Variants in SRRM2 observed in about 807,000 individuals in gnomAD.
The protein encoded by SRRM2 is serine/arginine repetitive matrix protein 2.
Under a neutral mutation model 213.8 loss-of-function variants are expected in SRRM2, and 30 were observed. The observed-to-expected ratio is 0.14, with a 90% CI of 0.10 to 0.19. The LOEUF (loss-of-function observed/expected upper bound fraction) is 0.19. Among genes scored for constraint, SRRM2 ranks in the 10% least tolerant of loss-of-function variants. SRRM2 has a pLI of 1.00. For missense variants in SRRM2, 4,904 were observed against 3,647.0 expected (o/e 1.34, Z -8.88); for synonymous variants, 2,025 against 1,377.7 (o/e 1.47, Z -10.40).
At position 2,756,349 on chromosome 16, in the gene SRRM2, C is replaced by T. The variant is rs2068140024; in HGVS notation, c.-16C>T. On this transcript the variant is annotated 5_prime_UTR_variant, in exon 2 of 15. Transcript: ENST00000301740. ...TCCCCCTCAGGAGCGGTGGTGCCCC[C>T]CCCGGGCACGGGGCCATGTACAACG... 5 of 1,587,466 alleles carry T rather than the reference C, an allele frequency of 3.1e-6. No individual in the cohort carries two copies. Among genetic ancestry groups the T allele is most frequent in the African/African-American group, 1.3e-5 (1 of 74,372 alleles).
At position 2,768,276 on chromosome 16, in the gene SRRM2, C is replaced by T. The variant is rs773432338; in HGVS notation, c.7733+15C>T. On this transcript the variant is annotated intron_variant, in intron 11 of 14. Coordinates refer to ENST00000301740, the MANE Select transcript of SRRM2 (RefSeq NM_016333.4). The stretch of plus-strand genomic sequence containing the variant: ...GCACTGAAGAGGTGAGGGAGCTTGA[C>T]TTTTAGAAATCTTCAGTGGGGGAGG... 4 of 1,523,360 alleles carry T rather than the reference C, an allele frequency of 2.6e-6. No homozygotes were observed. In the South Asian group the frequency reaches 5.2e-5, roughly 20 times the overall value. 94.4% of individuals were successfully genotyped at this position (1,523,360 alleles called of 1,614,324 possible). A position where few individuals can be genotyped will look rare whatever the true frequency, so the allele number is the denominator to read the frequency against.
chr16:2,771,043 A>C lies in SRRM2; in HGVS notation c.*176A>C. On this transcript the variant is annotated 3_prime_UTR_variant, in exon 15 of 15. Transcript: ENST00000301740. ...TTTTTCTTTGTTCCTGTGAAATGTT[A>C]ATCTCCGTGAGTTCTTCCTGGTTCA... 1.5e-6 allele frequency: 1 copy of C among 648,958 alleles called. No homozygotes were observed. Among genetic ancestry groups the C allele is most frequent in the Non-Finnish European group, 2.5e-6 (1 of 396,196 alleles). 40.2% of individuals were successfully genotyped at this position (648,958 alleles called of 1,614,324 possible). A position where few individuals can be genotyped will look rare whatever the true frequency, so the allele number is the denominator to read the frequency against.
At position 2,761,839 on chromosome 16, in the gene SRRM2, C is replaced by A. The variant is rs767801669; in HGVS notation, c.1311C>A (p.Ser437=). The part of the protein sequence containing the change: ...PTKVSRHASS[S]PESPKPAPAP... ...AAGTTTCTCGGCATGCCAGCTCTTC[C>A]CCAGAAAGTCCTAAACCTGCTCCAG... Residue 437 remains serine (S), a synonymous_variant, in exon 11 of 15, where the codon TCC becomes TCA. Transcript: ENST00000301740. 1.2e-6 allele frequency: 2 copies of A among 1,613,364 alleles called. No homozygotes were observed. The highest frequency in any genetic ancestry group is 1.7e-6 in the Non-Finnish European group (2 of 1,180,012).
At chr16:2,770,186 G>T in intron 12 of SRRM2, 166 bp from the exon 13 acceptor site, 1 of 1,444,610 alleles carries the variant, frequency 6.9e-7, no homozygotes, top group Non-Finnish European at 9.1e-7. Context: ...CTGGGCACTC[G>T]GTGGATGGTG....
intron 11 of SRRM2, 70 bp downstream of exon 11, chr16:2,768,331 G>A: frequency 6.8e-7 from 1 of 1,478,622 alleles, no homozygotes. Flanking sequence ...AGTGGGGAGG[G>A]AGAAACCATG....
At chr16:2,753,061 C>A (rs1405893388) in intron 1 of SRRM2, among the ~76,000 whole-genome samples, 1 of 144,058 alleles carries the variant, frequency 6.9e-6, no homozygotes, top group Admixed American at 6.9e-5. Context: ...TCCCCCATGA[C>A]AACGGCGTTC....
Position 2,759,026 on chromosome 16 carries a change from G to T in SRRM2, c.635G>T (p.Ser212Ile). The T allele has an allele frequency of 6.2e-7, 1 of 1,614,212 alleles. No individual in the cohort carries two copies. ...TCTCCTCGACGGGAGAGAAAGAAAA[G>T]CTCAAAGAAGAAGAAGCACAGGTAT... Reference protein sequence around the residue: ...SSSPRRERKKSSKKKKHRSES... With the variant: ...SSSPRRERKKISKKKKHRSES... Residue 212 changes from serine (S) to isoleucine (I), a missense_variant, in exon 6 of 15, where the codon AGC (serine) becomes ATC (isoleucine). Ser to Ile is a moderately radical substitution (Grantham distance 142, BLOSUM62 -2). Coordinates refer to ENST00000301740, the MANE Select transcript of SRRM2 (RefSeq NM_016333.4).
rs577375094 is a variant in SRRM2, at chr16:2,758,546, C to T, written c.592C>T (p.Arg198Cys). 1.5e-5 allele frequency: 24 copies of T among 1,613,774 alleles called. No homozygotes were observed. Among genetic ancestry groups the T allele is most frequent in the South Asian group, 4.4e-5 (4 of 91,068 alleles). The stretch of plus-strand genomic sequence containing the variant: ...GAAGAAAAAGAAGAAAGATAGAGGA[C>T]GGTAAGTTAGTTGGAAAGTGACTCT... ...KKKKKKKDRGRRSESSSPRRE... is the reference protein window; with the variant it reads ...KKKKKKKDRGCRSESSSPRRE... Residue 198 changes from arginine to cysteine, a missense_variant and splice_region_variant, in exon 5 of 15, where the codon CGC (arginine) becomes TGC (cysteine). Physicochemically the swap from Arg to Cys is radical, Grantham distance 180. Transcript: ENST00000301740.
chr16:2,770,488 G>C (rs1441515734), intron 13 of SRRM2, 23 bp downstream of exon 13: 2 of 1,589,950 alleles, frequency 1.3e-6, no homozygotes, highest in Non-Finnish European at 1.7e-6. Flanking sequence ...GCAGGTGTCA[G>C]CACCCAGCCT....
intron 1 of SRRM2, among the ~76,000 whole-genome samples, chr16:2,754,261 C>T (rs1037080227): frequency 1.6e-4 from 25 of 151,876 alleles, no homozygotes; most frequent in African/African-American, 4.8e-5. Flanking sequence ...AACATTGTGA[C>T]CTAATATCCT....
chr16:2,764,879 T>C lies in SRRM2; in HGVS notation c.4351T>C (p.Ser1451Pro). The change falls in exon 11 of 15, where the codon TCT becomes CCT. Residue 1451 changes from serine (S) to proline (P), a missense_variant. Coordinates refer to ENST00000301740, the MANE Select transcript of SRRM2 (RefSeq NM_016333.4). ...SGSSPGLRDGSGTPSRHSLSG... is the reference protein window; with the variant it reads ...SGSSPGLRDGPGTPSRHSLSG... ...GTCTTCTCCAGGACTTAGAGATGGG[T>C]CTGGGACTCCCTCGAGGCACAGCCT... 6.2e-7 allele frequency: 1 copy of C among 1,614,096 alleles called. No homozygotes were observed. The highest frequency in any genetic ancestry group is 1.3e-5 in the African/African-American group (1 of 75,016).
intron 4 of SRRM2, among the ~76,000 whole-genome samples, chr16:2,758,226 T>C (rs2068216252): frequency 6.6e-6 from 1 of 152,130 alleles, no homozygotes; most frequent in African/African-American, 2.4e-5. Flanking sequence ...GAAAAAAAGC[T>C]GGTTGGTGGC....
In SRRM2 at chr16:2,762,148, A is replaced by G; in HGVS notation, c.1620A>G (p.Pro540=). Reference sequence around the variant, plus strand: ...GCCGCTCTAGGTCTCCTCAGCGACCAGGCTGGTCTAGGAGCAGAAATACCC... The same window carrying G: ...GCCGCTCTAGGTCTCCTCAGCGACCGGGCTGGTCTAGGAGCAGAAATACCC... ...RRGRSRSPQR[P]GWSRSRNTQR... is the part of the protein sequence containing the mutation. The change falls in exon 11 of 15, where the codon CCA becomes CCG. Residue 540 remains proline, a synonymous_variant. Transcript: ENST00000301740. 1 of 1,613,854 alleles carries G rather than the reference A, an allele frequency of 6.2e-7. No individual in the cohort carries two copies. Among genetic ancestry groups the G allele is most frequent in the Non-Finnish European group, 8.5e-7 (1 of 1,179,922 alleles).
Position 2,766,564 on chromosome 16 carries a change from A to T in SRRM2, c.6036A>T (p.Pro2012=), listed in dbSNP as rs1184433294. 2 of 1,614,114 alleles carry T rather than the reference A, an allele frequency of 1.2e-6. No individual in the cohort carries two copies. ...TRRRSRSRTS[P]VTRRRSRSRT... ...GAAGGTCCCGCTCTCGAACCTCACC[A>T]GTGACACGCCGCCGCTCTAGGTCCC... is the stretch of plus-strand genomic sequence containing the variant. Residue 2012 remains proline (P), a synonymous_variant, in exon 11 of 15, where the codon CCA becomes CCT. Transcript: ENST00000301740. The surrounding 1 kb of genome is among the most constrained non-coding windows in gnomAD (Gnocchi z 7.0).
rs1431195550 is a variant in SRRM2 at position 2,767,790 on chromosome 16, C to T, written c.7262C>T (p.Ser2421Phe). ...GCCCCAAGCCAATCTAGGATGACCT[C>T]TGAACGGGCTCCCTCCCCTTCCTCT... ...PSAPSQSRMT[S>F]ERAPSPSSRM... is the part of the protein sequence containing the mutation. The change falls in exon 11 of 15, where the codon TCT becomes TTT. Residue 2421 changes from serine to phenylalanine, a missense_variant. Transcript: ENST00000301740. 6.2e-7 allele frequency: 1 copy of T among 1,614,056 alleles called. No homozygotes were observed. The highest frequency in any genetic ancestry group is 1.7e-5 in the Admixed American group (1 of 59,998).
Position 2,764,825 on chromosome 16 carries a change from A to C in SRRM2, c.4297A>C (p.Arg1433=), listed in dbSNP as rs775838052. The C allele has an allele frequency of 1.2e-5, 20 of 1,614,238 alleles. No homozygotes were observed. The highest frequency in any genetic ancestry group is 2.5e-6 in the Non-Finnish European group (3 of 1,180,040). The change falls in exon 11 of 15, where the codon AGA becomes CGA. Residue 1433 remains arginine, a synonymous_variant. Transcript: ENST00000301740. The part of the protein sequence containing the change: ...SSPEMKDGLP[R]TPSRRSRSGS... Reference sequence around the variant, plus strand: ...TCCTGAAATGAAAGATGGTTTACCCAGAACTCCATCAAGGAGAAGCAGGTC... The same window carrying C: ...TCCTGAAATGAAAGATGGTTTACCCCGAACTCCATCAAGGAGAAGCAGGTC...
Position 2,761,974 on chromosome 16 carries a change from G to C in SRRM2, c.1446G>C (p.Gly482=). ...SHSHTPSRRM[G]RSRSPATAKR... ...CTCATACCCCCTCCCGTAGGATGGG[G>C]AGGTCCCGTAGCCCTGCCACCGCTA... Residue 482 remains glycine, a synonymous_variant, in exon 11 of 15, where the codon GGG becomes GGC. Coordinates refer to ENST00000301740, the MANE Select transcript of SRRM2 (RefSeq NM_016333.4). 1 of 1,614,114 alleles carries C rather than the reference G, an allele frequency of 6.2e-7. No homozygotes were observed. Among genetic ancestry groups the C allele is most frequent in the African/African-American group, 1.3e-5 (1 of 75,042 alleles).
chr16:2,764,884 G>T lies in SRRM2; in HGVS notation c.4356G>T (p.Gly1452=). The T allele has an allele frequency of 6.2e-7, 1 of 1,614,184 alleles. No homozygotes were observed. The highest frequency in any genetic ancestry group is 8.5e-7 in the Non-Finnish European group (1 of 1,180,022). Residue 1452 remains glycine, a synonymous_variant, in exon 11 of 15, where the codon GGG becomes GGT. Coordinates refer to ENST00000301740, the MANE Select transcript of SRRM2 (RefSeq NM_016333.4). ...GSSPGLRDGS[G]TPSRHSLSGS... is the part of the protein sequence containing the mutation. The stretch of plus-strand genomic sequence containing the variant: ...CTCCAGGACTTAGAGATGGGTCTGG[G>T]ACTCCCTCGAGGCACAGCCTGTCTG...
chr16:2,763,018 A>G lies in SRRM2; in HGVS notation c.2490A>G (p.Pro830=), dbSNP rs1331148671. The G allele has an allele frequency of 1.2e-6, 2 of 1,614,110 alleles. No homozygotes were observed. Among genetic ancestry groups the G allele is most frequent in the Admixed American group, 3.3e-5 (2 of 60,010 alleles). ...CACCTAAACAGAAATCTAAGACACC[A>G]TCAAGACAAAGTCATTCCAGTTCAT... The part of the protein sequence containing the change: ...SPPPKQKSKT[P]SRQSHSSSSP... Residue 830 remains proline, a synonymous_variant, in exon 11 of 15, where the codon CCA becomes CCG. Transcript: ENST00000301740.
Sources: allele counts gnomAD v4.1 joint callset (sites outside exome capture counted in the v4.1 genomes callset), GRCh38; gene constraint gnomAD v4.1.1; non-coding constraint Gnocchi (gnomAD v3.1); transcripts MANE v1.5; gene names NCBI Gene and HGNC (gene_info 2026-07-23, HGNC 2026-07-21).